NSUN6: variants seen among roughly 807,000 people sequenced by gnomAD.
NSUN6 encodes NOP2/Sun RNA methyltransferase 6, also known as tRNA (cytosine(72)-C(5))-methyltransferase NSUN6.
A neutral mutation model predicts 58.0 loss-of-function variants in NSUN6; 64 were observed. That is an observed-to-expected ratio of 1.10 (90% CI 0.90 to 1.36). The LOEUF is 1.36. Among genes scored for constraint, NSUN6 ranks in the 40% most tolerant of loss-of-function variants. The pLI, the probability that NSUN6 is intolerant of heterozygous loss-of-function variation, is 0.00. For missense variants in NSUN6, 701 were observed against 550.1 expected (o/e 1.27, Z -2.74); for synonymous variants, 231 against 193.9 (o/e 1.19, Z -1.59).
intron 3 of NSUN6, among the ~76,000 whole-genome samples, chr10:18,621,714 A>C (rs75391234): frequency 0.023 from 3,493 of 152,322 alleles, 58 homozygotes; most frequent in Non-Finnish European, 0.038. Flanking sequence ...AGAGAAAAGT[A>C]TTAGAATAGC....
intron 8 of NSUN6, among the ~76,000 whole-genome samples, chr10:18,572,958 T>C (rs2056455951): frequency 1.3e-5 from 2 of 151,268 alleles, no homozygotes; most frequent in African/African-American, 4.9e-5. Context: ...TTCCATTCCA[T>C]TCTCCATTCC....
At chr10:18,634,674 A>T (rs2131511131) in intron 3 of NSUN6, among the ~76,000 whole-genome samples, 2 of 152,216 alleles carry the variant, frequency 1.3e-5, no homozygotes, top group East Asian at 1.9e-4. Context: ...AGGCAGGAGA[A>T]TGGCCTGAAC....
intron 5 of NSUN6, among the ~76,000 whole-genome samples, chr10:18,611,914 C>G (rs567726241): frequency 6.6e-6 from 1 of 152,132 alleles, no homozygotes; most frequent in Non-Finnish European, 1.5e-5. Flanking sequence ...ATGCTGACTC[C>G]TTTTCTTCCT....
chr10:18,650,005 TCTAA>T (rs1238345802), intron 1 of NSUN6, among the ~76,000 whole-genome samples: 5 of 152,094 alleles, frequency 3.3e-5, no homozygotes, highest in South Asian at 2.1e-4. Flanking sequence ...GTGGTGTTAC[TCTAA>T]CTAAGAAAAC....
intron 3 of NSUN6, among the ~76,000 whole-genome samples, chr10:18,623,746 T>C (rs1318564271): frequency 6.6e-6 from 1 of 152,204 alleles, no homozygotes; most frequent in East Asian, 1.9e-4. Flanking sequence ...TGCTCATGAC[T>C]TAAGTTATCT....
At chr10:18,637,483 A>G (rs2059256985) in intron 3 of NSUN6, among the ~76,000 whole-genome samples, 1 of 152,258 alleles carries the variant, frequency 6.6e-6, no homozygotes, top group Non-Finnish European at 1.5e-5. Context: ...TTAGAGAACT[A>G]AAATGGCCAG....
chr10:18,644,501 C>CTT (rs35934175), intron 2 of NSUN6, among the ~76,000 whole-genome samples: 7,359 of 146,424 alleles, frequency 0.05, 282 homozygotes, highest in Non-Finnish European at 0.079. Context: ...TAAGGTATGT[C>CTT]TTTTTTTTTT....
intron 3 of NSUN6, among the ~76,000 whole-genome samples, chr10:18,632,722 G>A (rs1304718340): frequency 2.0e-5 from 3 of 152,164 alleles, no homozygotes; most frequent in African/African-American, 7.2e-5. Context: ...TCTCACACCC[G>A]TTAGAATGGC....
chr10:18,600,533 G>C (rs2057763770), intron 6 of NSUN6, among the ~76,000 whole-genome samples: 1 of 152,066 alleles, frequency 6.6e-6, no homozygotes, highest in South Asian at 2.1e-4. Flanking sequence ...GCTGAGGCAG[G>C]AAGATCACTT....
At chr10:18,585,175 G>A (rs537692823) in intron 8 of NSUN6, among the ~76,000 whole-genome samples, 2 of 152,128 alleles carry the variant, frequency 1.3e-5, no homozygotes, top group African/African-American at 4.8e-5. Flanking sequence ...AATATATGCC[G>A]GCAAGGATGC....
chr10:18,632,230 C>G (rs1448455487), intron 3 of NSUN6, among the ~76,000 whole-genome samples: 2 of 151,804 alleles, frequency 1.3e-5, no homozygotes, highest in African/African-American at 4.8e-5. Flanking sequence ...GGATCCCTTC[C>G]TTACACCTTA....
Position 18,591,687 on chromosome 10 carries a change from T to C in NSUN6, c.777+4521A>G, listed in dbSNP as rs559144973. ...TTCAACATCCCTTCATGTTAAAAAC[T>C]CTCAATAAACTAGGTATTGATGGAA... On this transcript the variant is annotated intron_variant, in intron 7 of 10. Transcript: ENST00000377304. Among the ~76,000 whole-genome samples, 12 of 152,282 alleles carry C rather than the reference T, an allele frequency of 7.9e-5. No homozygotes were observed. In the South Asian group the frequency reaches 2.5e-3, roughly 32 times the overall value.
At position 18,559,867 on chromosome 10, in the gene NSUN6, G is replaced by A. The variant is rs936954131; in HGVS notation, c.923-7896C>T. 2.0e-5 allele frequency among the ~76,000 whole-genome samples: 3 copies of A among 150,312 alleles called. No homozygotes were observed. The South Asian group carries it at 6.3e-4, about 32-fold the overall frequency. On this transcript the variant is annotated intron_variant, in intron 8 of 10. Coordinates refer to ENST00000377304, the MANE Select transcript of NSUN6 (RefSeq NM_182543.5). ...GGGGAATGGAATGCAGTGGGGATTT[G>A]AATGCGGAATGGAATGCAATGGAAA...
chr10:18,618,532 A>T (rs896793632), intron 3 of NSUN6, among the ~76,000 whole-genome samples: 5 of 151,972 alleles, frequency 3.3e-5, no homozygotes, highest in African/African-American at 1.2e-4. Flanking sequence ...AAAATACAAA[A>T]TTACCCAGGC....
intron 8 of NSUN6, among the ~76,000 whole-genome samples, chr10:18,565,828 T>C (rs1325843626): frequency 6.6e-6 from 1 of 151,488 alleles, no homozygotes; most frequent in Admixed American, 6.6e-5. Context: ...CATTCTCCAT[T>C]CCATTCCATT....
At chr10:18,615,085 T>C (rs1184623502) in intron 4 of NSUN6, among the ~76,000 whole-genome samples, 1 of 149,032 alleles carries the variant, frequency 6.7e-6, no homozygotes, top group African/African-American at 2.5e-5. Flanking sequence ...CAGACTTTAA[T>C]GATAAGCATA....
At chr10:18,610,681 G>A (rs1369397986) in intron 5 of NSUN6, among the ~76,000 whole-genome samples, 2 of 152,174 alleles carry the variant, frequency 1.3e-5, no homozygotes, top group African/African-American at 4.8e-5. Context: ...CAGATGGCCT[G>A]GTGGAGAATG....
At chr10:18,620,369 G>A (rs957495073) in intron 3 of NSUN6, among the ~76,000 whole-genome samples, 34 of 152,092 alleles carry the variant, frequency 2.2e-4, no homozygotes, top group African/African-American at 8.0e-4. Flanking sequence ...TTACAGGCAT[G>A]AGCCACTGCG....
intron 3 of NSUN6, among the ~76,000 whole-genome samples, chr10:18,619,617 A>G (rs1235845279): frequency 1.3e-5 from 2 of 152,164 alleles, no homozygotes; most frequent in Admixed American, 1.3e-4. Context: ...TTTGTGGCCT[A>G]CTATGTTCTT....
Sources: allele counts gnomAD v4.1 joint callset (sites outside exome capture counted in the v4.1 genomes callset), GRCh38; gene constraint gnomAD v4.1.1; transcripts MANE v1.5; gene names NCBI Gene and HGNC (gene_info 2026-07-23, HGNC 2026-07-21).